SAMD4B: variants seen among roughly 807,000 people sequenced by gnomAD.
SAMD4B encodes sterile alpha motif domain containing 4B.
A neutral mutation model predicts 74.5 loss-of-function variants in SAMD4B; 5 were observed. The observed-to-expected ratio is 0.07, with a 90% confidence interval of 0.04 to 0.14. SAMD4B has a LOEUF of 0.14. Among genes scored for constraint, SAMD4B ranks in the 10% least tolerant of loss-of-function variants. The pLI is 1.00. For synonymous variants in SAMD4B, 373 were observed against 374.9 expected, an observed-to-expected ratio of 1.00 and a Z score of 0.06; for missense variants, 608 against 921.8, an observed-to-expected ratio of 0.66 and a Z score of 4.41.
At chr19:39,379,720 A>G (rs1404152707) in intron 9 of SAMD4B, among the ~76,000 whole-genome samples, 1 of 151,972 alleles carries the variant, frequency 6.6e-6, no homozygotes, top group East Asian at 1.9e-4. Flanking sequence ...ACAGACACAC[A>G]CTACCATGCC....
intron 3 of SAMD4B, among the ~76,000 whole-genome samples, chr19:39,366,265 G>A (rs1256890218): frequency 2.0e-5 from 3 of 152,086 alleles, no homozygotes; most frequent in Non-Finnish European, 4.4e-5. Flanking sequence ...CCAGTGAGCC[G>A]AGATCGTGCC....
At chr19:39,387,022 T>C (rs2078266975), downstream of SAMD4B, 4 of 513,718 alleles carry the variant, frequency 7.8e-6, no homozygotes, top group South Asian at 4.4e-5. Context: ...TGCCCTACAC[T>C]GTGTGTGTGT....
chr19:39,349,905 C>T (rs1163157054), intron 1 of SAMD4B: 2 of 152,224 alleles, frequency 1.3e-5, no homozygotes, highest in Admixed American at 1.3e-4. Flanking sequence ...CCATGCCCAG[C>T]TTTCTTGCAT....
intron 12 of SAMD4B, 97 bp downstream of exon 12, chr19:39,381,210 C>T: frequency 7.1e-7 from 1 of 1,399,528 alleles, no homozygotes; most frequent in Non-Finnish European, 9.6e-7. Context: ...TTCTAGACTG[C>T]ATTGGCACCT....
At chr19:39,372,625 A>G (rs1419715806) in intron 4 of SAMD4B, among the ~76,000 whole-genome samples, 1 of 152,124 alleles carries the variant, frequency 6.6e-6, no homozygotes. Flanking sequence ...TCTGGCCGGC[A>G]TTCTTGTTTT....
chr19:39,390,494 G>A (rs896335720), downstream of SAMD4B, among the ~76,000 whole-genome samples: 5 of 152,208 alleles, frequency 3.3e-5, no homozygotes, highest in Non-Finnish European at 7.3e-5. Flanking sequence ...AAGCTTTAAT[G>A]AACAAGGCCA....
rs1263318544 is a variant in SAMD4B, at chr19:39,369,990, C to T, written c.532C>T (p.Pro178Ser). ...SRQGSDEWGG[P>S]AELGPGEAGP... ...TCAAGGCTCAGATGAGTGGGGGGGC[C>T]CTGCAGAGCTAGGCCCTGGGGAGGC... The change falls in exon 4 of 14, where the codon CCT (proline) becomes TCT (serine). Residue 178 changes from proline (P) to serine (S), a missense_variant. Pro to Ser is a moderately conservative substitution (Grantham distance 74). Coordinates refer to ENST00000610417, the MANE Select transcript of SAMD4B (RefSeq NM_001384574.2). 1 of 1,613,334 alleles carries T rather than the reference C, an allele frequency of 6.2e-7. No individual in the cohort carries two copies. Among genetic ancestry groups the T allele is most frequent in the Non-Finnish European group, 8.5e-7 (1 of 1,179,702 alleles).
At chr19:39,347,797 G>C (rs929884889) in intron 1 of SAMD4B, among the ~76,000 whole-genome samples, 1 of 152,198 alleles carries the variant, frequency 6.6e-6, no homozygotes, top group Non-Finnish European at 1.5e-5. Flanking sequence ...AGTGTATGGA[G>C]TATGCAAGTC....
At position 39,385,465 on chromosome 19, in the gene SAMD4B, C is replaced by T. The variant is rs1011054732; in HGVS notation, c.*1938C>T. 1.4e-5 allele frequency: 6 copies of T among 434,722 alleles called. No homozygotes were observed. The highest frequency in any genetic ancestry group is 6.6e-5 in the East Asian group (2 of 30,308). The allele number at this position is 434,722 out of a possible 1,614,324, so 26.9% of individuals were successfully genotyped here. A position where few individuals can be genotyped will look rare whatever the true frequency, so the allele number is the denominator to read the frequency against. ...GACAGCAGAGTGTGCAGGACGCAGG[C>T]GGCCCCACTCTGATGGGCAGGACCC... On this transcript the variant is annotated 3_prime_UTR_variant, in exon 14 of 14. Transcript: ENST00000610417.
downstream of SAMD4B, chr19:39,385,708 C>T (rs1294200497): frequency 2.9e-5 from 15 of 523,856 alleles, no homozygotes; most frequent in Non-Finnish European, 6.7e-6. Context: ...GAATTCTGAC[C>T]TTCGTTGTGC....
downstream of SAMD4B, chr19:39,390,388 A>T (rs1309786063): frequency 8.8e-7 from 1 of 1,138,008 alleles, no homozygotes; most frequent in Non-Finnish European, 1.3e-6. Context: ...GAGGGGTGAC[A>T]AATGCTGGTT....
rs375114244 is a variant in SAMD4B, at chr19:39,375,647, C to T, written c.668-3C>T. The T allele has an allele frequency of 1.8e-5, 28 of 1,597,660 alleles. No homozygotes were observed. Among genetic ancestry groups the T allele is most frequent in the Non-Finnish European group, 2.2e-5 (26 of 1,166,388 alleles). On this transcript the variant is annotated splice_region_variant and splice_polypyrimidine_tract_variant and intron_variant, in intron 4 of 13. Transcript: ENST00000610417. The surrounding 1 kb of genome is among the most constrained non-coding windows in gnomAD (Gnocchi z 4.1). ...TATTTTGCTTTTCTCCCACTCTGGC[C>T]AGGTCTCCCCTGCCAAATCCACCCT...
At chr19:39,367,714 G>C (rs141392221) in intron 3 of SAMD4B, among the ~76,000 whole-genome samples, 2 of 150,652 alleles carry the variant, frequency 1.3e-5, no homozygotes, top group African/African-American at 2.4e-5. Flanking sequence ...TCACCATGTC[G>C]GCCAGGCTGG....
downstream of SAMD4B, chr19:39,390,304 A>C: frequency 6.2e-7 from 1 of 1,607,796 alleles, no homozygotes; most frequent in Non-Finnish European, 8.5e-7. Flanking sequence ...TGGAGAAGAA[A>C]GAAACAGTGA....
intron 2 of SAMD4B, among the ~76,000 whole-genome samples, chr19:39,354,396 A>G (rs1234283034): frequency 6.6e-6 from 1 of 152,184 alleles, no homozygotes; most frequent in Non-Finnish European, 1.5e-5. Context: ...TCTTAAAACA[A>G]GGTTTTCAAA....
rs1358053597 is a variant in SAMD4B at position 39,380,864 on chromosome 19, C to T, written c.1848+79C>T. 5 of 1,508,862 alleles carry T rather than the reference C, an allele frequency of 3.3e-6. No individual in the cohort carries two copies. The African/African-American group carries it at 7.0e-5, about 21-fold the overall frequency. 93.5% of individuals were successfully genotyped at this position (1,508,862 alleles called of 1,614,324 possible). On this transcript the variant is annotated intron_variant, in intron 11 of 13. Transcript: ENST00000610417. ...TGGGATGTCTATTTGCCTGTATACT[C>T]TGTGTCTGGACCCAGCTTAGAGGTG... is the stretch of plus-strand genomic sequence containing the variant.
chr19:39,390,333 T>A (rs1449003982), downstream of SAMD4B: 1 of 1,574,038 alleles, frequency 6.4e-7, no homozygotes, highest in Admixed American at 1.8e-5. Context: ...GAGGACGGGA[T>A]TGACAGGAGA....
At chr19:39,359,509 A>G (rs1311911179) in intron 3 of SAMD4B, among the ~76,000 whole-genome samples, 1 of 152,210 alleles carries the variant, frequency 6.6e-6, no homozygotes, top group East Asian at 1.9e-4. Flanking sequence ...ATGGCCAAAC[A>G]TGCATATTAA....
At chr19:39,359,324 T>G (rs1158249454) in intron 3 of SAMD4B, among the ~76,000 whole-genome samples, 2 of 152,232 alleles carry the variant, frequency 1.3e-5, no homozygotes, top group Non-Finnish European at 2.9e-5. Flanking sequence ...GCTTTTAGTT[T>G]TTGCTTTTGT....
Sources: gnomAD v4.1 joint callset for allele counts (sites outside exome capture counted in the v4.1 genomes callset) on GRCh38, gnomAD v4.1.1 for gene constraint, Gnocchi (gnomAD v3.1) non-coding constraint, MANE v1.5 for transcripts, NCBI Gene and HGNC (gene_info 2026-07-23, HGNC 2026-07-21) for gene names.